NBEA: variants seen among roughly 807,000 people sequenced by gnomAD.
NBEA encodes lysosomal-trafficking regulator 2.
Under a neutral mutation model 343.4 loss-of-function variants are expected in NBEA, and 44 were observed. The observed-to-expected ratio is 0.13, with a 90% CI of 0.10 to 0.16. NBEA has a LOEUF of 0.16. Among genes scored for constraint, NBEA ranks in the 10% least tolerant of loss-of-function variants. The pLI, the probability that NBEA is intolerant of heterozygous loss-of-function variation, is 1.00. For synonymous variants in NBEA, 1,175 were observed against 1,238.7 expected, an observed-to-expected ratio of 0.95 and a Z score of 1.08; for missense variants, 2,555 against 3,631.3, an observed-to-expected ratio of 0.70 and a Z score of 7.62.
At chr13:35,548,031 G>A (rs185798362) in intron 41 of NBEA, among the ~76,000 whole-genome samples, 4 of 152,306 alleles carry the variant, frequency 2.6e-5, no homozygotes, top group African/African-American at 7.2e-5. Context: ...GCGTCCCAGA[G>A]CCAAGTGCTG....
At chr13:35,443,935 G>A (rs985968244) in intron 39 of NBEA, among the ~76,000 whole-genome samples, 6 of 151,794 alleles carry the variant, frequency 4.0e-5, no homozygotes, top group South Asian at 2.1e-4. Flanking sequence ...TCCTATTATC[G>A]TAATTTGTTT....
intron 10 of NBEA, among the ~76,000 whole-genome samples, chr13:35,091,290 G>A (rs1481732330): frequency 1.3e-5 from 2 of 151,916 alleles, no homozygotes; most frequent in Non-Finnish European, 2.9e-5. Flanking sequence ...CCAGCGTTTT[G>A]ACAGAAGAAC....
chr13:35,271,558 G>A (rs1400836527), intron 34 of NBEA, among the ~76,000 whole-genome samples: 1 of 152,112 alleles, frequency 6.6e-6, no homozygotes, highest in Non-Finnish European at 1.5e-5. Context: ...AAACTTCTCC[G>A]AGCTAAAAGA....
intron 40 of NBEA, among the ~76,000 whole-genome samples, chr13:35,462,315 G>A (rs534199334): frequency 6.6e-6 from 1 of 152,136 alleles, no homozygotes; most frequent in African/African-American, 2.4e-5. Flanking sequence ...CAGAAAACAC[G>A]ATCCTAGAAT....
intron 5 of NBEA, among the ~76,000 whole-genome samples, chr13:35,049,234 A>G (rs2152562877): frequency 6.6e-6 from 1 of 152,042 alleles, no homozygotes; most frequent in Non-Finnish European, 1.5e-5. Flanking sequence ...ACAGTACAGC[A>G]TACTTAACAA....
At chr13:35,401,932 C>T (rs928127973) in intron 38 of NBEA, among the ~76,000 whole-genome samples, 4 of 151,974 alleles carry the variant, frequency 2.6e-5, no homozygotes, top group East Asian at 3.9e-4. Flanking sequence ...AAATTGATTA[C>T]GAGTGCAGCT....
intron 40 of NBEA, among the ~76,000 whole-genome samples, chr13:35,465,482 A>G (rs1402352541): frequency 6.6e-6 from 1 of 152,192 alleles, no homozygotes; most frequent in East Asian, 1.9e-4. Context: ...TTTAAATCAT[A>G]TCCTCTGGTT....
chr13:35,022,119 G>A (rs754896731), intron 1 of NBEA, among the ~76,000 whole-genome samples: 7 of 151,988 alleles, frequency 4.6e-5, no homozygotes, highest in African/African-American at 7.2e-5. Context: ...GTGTATAGTC[G>A]TTTGGCCATT....
chr13:35,442,199 A>T, intron 39 of NBEA, among the ~76,000 whole-genome samples: 1 of 152,118 alleles, frequency 6.6e-6, no homozygotes, highest in Non-Finnish European at 1.5e-5. Context: ...TTCTGTGTGT[A>T]TTTTATCATA....
chr13:35,550,107 G>T (rs1028740341), intron 41 of NBEA, among the ~76,000 whole-genome samples: 13 of 152,108 alleles, frequency 8.5e-5, no homozygotes, highest in African/African-American at 2.9e-4. Context: ...GGACACTTTG[G>T]GGGTAGCTGG....
chr13:35,196,935 A>G (rs774202890), intron 31 of NBEA, among the ~76,000 whole-genome samples: 14 of 152,292 alleles, frequency 9.2e-5, no homozygotes, highest in Middle Eastern at 3.4e-3. Context: ...CATATGTCAT[A>G]TATCTACATT....
Position 35,391,145 on chromosome 13 carries a change from C to T in NBEA, c.6179+38822C>T, listed in dbSNP as rs184591170. Among the ~76,000 whole-genome samples, 31 of 151,996 alleles carry T rather than the reference C, an allele frequency of 2.0e-4. No individual in the cohort carries two copies. In the East Asian group the frequency reaches 3.7e-3, roughly 18 times the overall value. ...TAAAAATTTGCTGGGCTTGATGGCA[C>T]GCACCTGTGATCCCTGCTCCTGGGG... On this transcript the variant is annotated intron_variant, in intron 38 of 58. Transcript: ENST00000379939.
intron 38 of NBEA, among the ~76,000 whole-genome samples, chr13:35,419,734 T>C (rs1201420055): frequency 6.7e-6 from 1 of 149,722 alleles, no homozygotes; most frequent in Non-Finnish European, 1.5e-5. Context: ...CCGAAAAACA[T>C]GAAAAGAAGA....
intron 1 of NBEA, among the ~76,000 whole-genome samples, chr13:34,997,793 A>G (rs1219180337): frequency 2.6e-5 from 4 of 152,132 alleles, no homozygotes; most frequent in Non-Finnish European, 5.9e-5. Flanking sequence ...ATTTACTTCT[A>G]CTGTTAGGTG....
Position 35,569,365 on chromosome 13 carries a change from A to G in NBEA, c.7035+2348A>G, listed in dbSNP as rs2080286591. ...TGAATAGCCATTACTTAGACATTAT[A>G]AAATATATATACGATAAAAATTCAG... On this transcript the variant is annotated intron_variant, in intron 45 of 58. Transcript: ENST00000379939. 1.3e-5 allele frequency among the ~76,000 whole-genome samples: 2 copies of G among 152,192 alleles called. 1 individual carries two copies. The highest frequency in any genetic ancestry group is 4.1e-4 in the South Asian group (2 of 4,826).
At chr13:35,016,375 A>C (rs2061657587) in intron 1 of NBEA, among the ~76,000 whole-genome samples, 1 of 152,184 alleles carries the variant, frequency 6.6e-6, no homozygotes. Flanking sequence ...TATTACATCT[A>C]ACTGGGATGT....
intron 35 of NBEA, among the ~76,000 whole-genome samples, chr13:35,305,786 T>C (rs2036852283): frequency 6.6e-6 from 1 of 152,186 alleles, no homozygotes; most frequent in African/African-American, 2.4e-5. Context: ...TTCTCCTGTT[T>C]GATATATTTT....
intron 34 of NBEA, among the ~76,000 whole-genome samples, chr13:35,282,652 G>A (rs2035131607): frequency 6.6e-6 from 1 of 152,146 alleles, no homozygotes; most frequent in African/African-American, 2.4e-5. Context: ...ATATTAGCAA[G>A]ACACTCAGGT....
At chr13:35,651,919 T>C (rs1428532542) in intron 53 of NBEA, 43 bp downstream of exon 53, 1 of 1,016,956 alleles carries the variant, frequency 9.8e-7, no homozygotes, top group South Asian at 1.4e-5. Context: ...ATACTATCCA[T>C]ATATTCATAT....
Sources: allele counts gnomAD v4.1 joint callset (sites outside exome capture counted in the v4.1 genomes callset), GRCh38; gene constraint gnomAD v4.1.1; transcripts MANE v1.5; gene names NCBI Gene and HGNC (gene_info 2026-07-23, HGNC 2026-07-21).